The following DAW1 variants were observed in gnomAD, a reference collection of about 807,000 sequenced individuals.
DAW1 encodes the protein dynein assembly factor with WD repeat domains 1.
In DAW1, 47 loss-of-function variants were observed where a neutral mutation model predicts 56.5. That is an observed-to-expected ratio of 0.83 (90% CI 0.66 to 1.06). The LOEUF (loss-of-function observed/expected upper bound fraction) is 1.06, where lower values mean the gene tolerates loss of function less well. DAW1 is among the 50% of genes least tolerant of loss of function. DAW1 has a pLI of 0.00. For synonymous variants in DAW1, 190 were observed against 179.0 expected (o/e 1.06, Z -0.49); for missense variants, 505 against 499.3 (o/e 1.01, Z -0.11).
At chr2:227,878,633 A>G (rs1690941420) in intron 1 of DAW1, among the ~76,000 whole-genome samples, 1 of 152,140 alleles carries the variant, frequency 6.6e-6, no homozygotes, top group South Asian at 2.1e-4. Context: ...GAGGCAGAAG[A>G]ATGGCATGGG....
rs544005414 is a variant in DAW1 at position 227,871,829 on chromosome 2, G to C, written c.40+100G>C. On this transcript the variant is annotated intron_variant, in intron 1 of 12. Transcript: ENST00000309931. ...AGGGCGCAGCCACTGAAAGGCGGCGGGGTCCCCAGGTGGGGCAGGAAGTCG... is the reference window on the plus strand; with the variant it reads ...AGGGCGCAGCCACTGAAAGGCGGCGCGGTCCCCAGGTGGGGCAGGAAGTCG... 2,292 of 1,524,406 alleles carry C rather than the reference G, an allele frequency of 1.5e-3. 3 individuals are homozygous for C. Among genetic ancestry groups the C allele is most frequent in the Non-Finnish European group, 2.0e-3 (2,201 of 1,121,140 alleles). The allele number at this position is 1,524,406 out of a possible 1,614,324, so 94.4% of individuals were successfully genotyped here.
intron 10 of DAW1, among the ~76,000 whole-genome samples, chr2:227,914,000 C>G (rs923633522): frequency 1.7e-4 from 26 of 151,762 alleles, no homozygotes; most frequent in African/African-American, 6.3e-4. Flanking sequence ...CTCTCTCTCT[C>G]TCTCTCTCTC....
intron 10 of DAW1, among the ~76,000 whole-genome samples, chr2:227,913,866 T>C (rs1223204355): frequency 6.8e-6 from 1 of 147,622 alleles, no homozygotes; most frequent in East Asian, 2.0e-4. Context: ...CAGAAGACAG[T>C]CATCATATCT....
At chr2:227,873,057 C>T (rs1192101551) in intron 1 of DAW1, among the ~76,000 whole-genome samples, 1 of 152,192 alleles carries the variant, frequency 6.6e-6, no homozygotes, top group African/African-American at 2.4e-5. Context: ...TGTCTACCCT[C>T]ACTATACTTC....
rs910776075 is a variant in DAW1 at position 227,912,388 on chromosome 2, T to C, written c.973+5136T>C. 3.8e-6 allele frequency: 5 copies of C among 1,304,760 alleles called. No homozygotes were observed. The African/African-American group carries it at 6.1e-5, about 16-fold the overall frequency. 80.8% of individuals were successfully genotyped at this position (1,304,760 alleles called of 1,614,324 possible). Reference sequence around the variant, plus strand: ...ATGTCACGTTCTTGGTAATCATGTTTGATGTTATCCGGTGTGTTCATCTCT... The same window carrying C: ...ATGTCACGTTCTTGGTAATCATGTTCGATGTTATCCGGTGTGTTCATCTCT... On this transcript the variant is annotated intron_variant, in intron 10 of 12. Transcript: ENST00000309931.
chr2:227,883,379 A>G (rs924254846), intron 1 of DAW1, among the ~76,000 whole-genome samples: 4 of 152,250 alleles, frequency 2.6e-5, no homozygotes, highest in Admixed American at 6.5e-5. Context: ...CAATATATGC[A>G]TAACTTAGTA....
At chr2:227,897,166 G>A (rs1289202808) in intron 5 of DAW1, among the ~76,000 whole-genome samples, 1 of 151,578 alleles carries the variant, frequency 6.6e-6, no homozygotes, top group Non-Finnish European at 1.5e-5. Flanking sequence ...AGCAGCTGAA[G>A]TAAAATGCCC....
chr2:227,924,085 A>G lies in DAW1; in HGVS notation c.*117A>G, dbSNP rs373945535. On this transcript the variant is annotated 3_prime_UTR_variant, in exon 13 of 13. Transcript: ENST00000309931. ...CTTTCTCTTTTTCTGCAAGTCAACT[A>G]TTTCTACAACTGTCCTTCATTTCAC... is the stretch of plus-strand genomic sequence containing the variant. 17 of 1,217,944 alleles carry G rather than the reference A, an allele frequency of 1.4e-5. No individual in the cohort carries two copies. The highest frequency in any genetic ancestry group is 9.2e-5 in the South Asian group (7 of 76,398). 75.4% of individuals were successfully genotyped at this position (1,217,944 alleles called of 1,614,324 possible). A position where few individuals can be genotyped will look rare whatever the true frequency, so the allele number is the denominator to read the frequency against.
At chr2:227,876,787 C>T (rs1407909243) in intron 1 of DAW1, among the ~76,000 whole-genome samples, 1 of 152,210 alleles carries the variant, frequency 6.6e-6, no homozygotes, top group Non-Finnish European at 1.5e-5. Flanking sequence ...TTTATTAATT[C>T]ATAAGCTCTT....
intron 4 of DAW1, among the ~76,000 whole-genome samples, chr2:227,893,393 T>A (rs1053822452): frequency 6.6e-6 from 1 of 151,844 alleles, no homozygotes; most frequent in African/African-American, 2.4e-5. Context: ...AGGCCAGGCG[T>A]GGTGTGTCAC....
chr2:227,906,658 G>C (rs1196259586), intron 9 of DAW1, among the ~76,000 whole-genome samples: 1 of 152,102 alleles, frequency 6.6e-6, no homozygotes, highest in Non-Finnish European at 1.5e-5. Flanking sequence ...CTCAAACACA[G>C]TGTTTCCTTG....
intron 10 of DAW1, among the ~76,000 whole-genome samples, chr2:227,908,195 C>T (rs1270505394): frequency 1.3e-5 from 2 of 152,324 alleles, no homozygotes; most frequent in East Asian, 1.9e-4. Flanking sequence ...TTTATTTCTA[C>T]ACTGTATCTG....
chr2:227,923,776 C>T (rs534587312), intron 12 of DAW1, among the ~76,000 whole-genome samples, 158 bp from the exon 13 acceptor site: 2 of 152,020 alleles, frequency 1.3e-5, no homozygotes, highest in African/African-American at 4.8e-5. Flanking sequence ...TTTAAAAATG[C>T]CTGAGCTGCT....
In DAW1 at chr2:227,888,793, C is replaced by T. The variant is rs376544686; in HGVS notation, c.114-1063C>T. Among the ~76,000 whole-genome samples the T allele has an allele frequency of 7.4e-4, 113 of 152,050 alleles. No individual in the cohort carries two copies. In the East Asian group the frequency reaches 0.016, roughly 21 times the overall value. ...ATATACATTGATACCTTTTTTTGAA[C>T]GAATATTATTCTGTGCCAGCAACAT... On this transcript the variant is annotated intron_variant, in intron 2 of 12. Transcript: ENST00000309931.
intron 4 of DAW1, 98 bp from the exon 5 acceptor site, chr2:227,893,697 G>C (rs1351731256): frequency 6.9e-7 from 1 of 1,454,030 alleles, no homozygotes; most frequent in Admixed American, 2.3e-5. Flanking sequence ...CAAACAAACA[G>C]CATAATAAAT....
At chr2:227,889,790 A>C (rs1351401239) in intron 2 of DAW1, 66 bp from the exon 3 acceptor site, 2 of 1,328,068 alleles carry the variant, frequency 1.5e-6, no homozygotes, top group Non-Finnish European at 2.0e-6. Flanking sequence ...TCAATTCTTC[A>C]TGTAATATAG....
intron 8 of DAW1, among the ~76,000 whole-genome samples, chr2:227,905,755 TTTAG>T (rs771452842): frequency 2.9e-4 from 44 of 152,332 alleles, no homozygotes; most frequent in East Asian, 7.7e-4. Flanking sequence ...AAATTATTTA[TTTAG>T]TTAGTTAGTT....
In DAW1 at chr2:227,918,739, T is replaced by G. The variant is rs779970728; in HGVS notation, c.974-41T>G. 1.9e-6 allele frequency: 3 copies of G among 1,604,036 alleles called. No homozygotes were observed. In the Admixed American group the frequency reaches 5.0e-5, roughly 27 times the overall value. On this transcript the variant is annotated intron_variant, in intron 10 of 12. Coordinates refer to ENST00000309931, the MANE Select transcript of DAW1 (RefSeq NM_178821.3). The stretch of plus-strand genomic sequence containing the variant: ...AAAGTCTTTTATCCAAAGTTCTGTA[T>G]TTAAGATGAATTTATATATATCCCC...
intron 12 of DAW1, among the ~76,000 whole-genome samples, chr2:227,921,863 T>G (rs1692118735): frequency 6.6e-6 from 1 of 152,226 alleles, no homozygotes; most frequent in Non-Finnish European, 1.5e-5. Flanking sequence ...TTTCTATCAA[T>G]TGAATGGTTA....
Sources: allele counts gnomAD v4.1 joint callset (sites outside exome capture counted in the v4.1 genomes callset), GRCh38; gene constraint gnomAD v4.1.1; transcripts MANE v1.5; gene names NCBI Gene and HGNC (gene_info 2026-07-23, HGNC 2026-07-21).